The following RERE variants were observed in gnomAD, a reference collection of about 807,000 sequenced individuals.
RERE encodes the protein arginine-glutamic acid dipeptide repeats.
In RERE, 40 loss-of-function variants were observed where a neutral mutation model predicts 146.1. The ratio of observed to expected loss-of-function variants is 0.27; its 90% confidence interval spans 0.21 to 0.36. The LOEUF (loss-of-function observed/expected upper bound fraction) is 0.36. Among genes scored for constraint, RERE ranks in the 10% least tolerant of loss-of-function variants. The probability of loss-of-function intolerance (pLI) is 1.00; values close to 1 mark genes in which losing one functional copy is unlikely to be tolerated. For synonymous variants in RERE, 1,003 were observed against 866.0 expected (o/e 1.16, Z -2.78); for missense variants, 1,933 against 2,138.7 (o/e 0.90, Z 1.90).
At position 8,670,832 on chromosome 1, in the gene RERE, T is replaced by C. The variant is rs181748004; in HGVS notation, c.-144-14391A>G. Among the ~76,000 whole-genome samples the C allele has an allele frequency of 4.9e-3, 739 of 152,286 alleles. 2 individuals are homozygous for C. The highest frequency in any genetic ancestry group is 8.8e-3 in the Non-Finnish European group (597 of 68,012). Reference sequence around the variant, plus strand: ...GGAAAAGCCATGGTGGAGTTTTGCATAGAGAAGTAACAATCCGAGGTACAT... The same window carrying C: ...GGAAAAGCCATGGTGGAGTTTTGCACAGAGAAGTAACAATCCGAGGTACAT... On this transcript the variant is annotated intron_variant, in intron 1 of 22. Transcript: ENST00000400908.
At chr1:8,534,621 A>G (rs913126062) in intron 7 of RERE, among the ~76,000 whole-genome samples, 2 of 152,182 alleles carry the variant, frequency 1.3e-5, no homozygotes, top group African/African-American at 4.8e-5. Flanking sequence ...AAAATGAATA[A>G]CAACAGCAGC....
At chr1:8,729,681 T>TC (rs1307979275) in intron 1 of RERE, among the ~76,000 whole-genome samples, 3 of 152,168 alleles carry the variant, frequency 2.0e-5, no homozygotes, top group Non-Finnish European at 4.4e-5. Context: ...TCTCCAGCCT[T>TC]CTCCAGATCA....
chr1:8,394,148 CTTTCAA>C (rs1284682378), intron 12 of RERE, among the ~76,000 whole-genome samples: 1 of 152,212 alleles, frequency 6.6e-6, no homozygotes, highest in African/African-American at 2.4e-5. Context: ...ATAATCCCAA[CTTTCAA>C]TTTCTAATGC....
At chr1:8,738,155 T>C (rs1640236995) in intron 1 of RERE, among the ~76,000 whole-genome samples, 1 of 152,150 alleles carries the variant, frequency 6.6e-6, no homozygotes, top group Admixed American at 6.5e-5. Context: ...CTGCCCTCTC[T>C]TCACGGGGCA....
chr1:8,363,156 T>C (rs1198415598), intron 15 of RERE, among the ~76,000 whole-genome samples: 3 of 152,244 alleles, frequency 2.0e-5, no homozygotes, highest in Non-Finnish European at 2.9e-5. Context: ...CGGCAGAAAG[T>C]CGCCTGGGGC....
intron 4 of RERE, among the ~76,000 whole-genome samples, chr1:8,595,277 GA>G (rs898113723): frequency 1.2e-4 from 17 of 141,772 alleles, no homozygotes; most frequent in East Asian, 8.1e-4. Flanking sequence ...TATTTCATCT[GA>G]AAAAAAAAAT....
At position 8,465,966 on chromosome 1, in the gene RERE, C is replaced by T; in HGVS notation, c.1162G>A (p.Val388Met). 1 of 1,614,150 alleles carries T rather than the reference C, an allele frequency of 6.2e-7. No homozygotes were observed. Reference protein sequence around the residue: ...KALQRLVKKPVPKLIEKCWTE... With the variant: ...KALQRLVKKPMPKLIEKCWTE... ...CAGCACTTCTCGATGAGCTTGGGCA[C>T]AGGCTTCTTCACCAGGCGCTGCAGG... is the stretch of plus-strand genomic sequence containing the variant. Residue 388 changes from valine to methionine, a missense_variant, in exon 11 of 23, where the codon GTG becomes ATG. Around this residue, in one of 11 missense-constraint regions of RERE, gnomAD observed 260 missense variants for 378.4 expected, o/e 0.69. Transcript: ENST00000400908.
chr1:8,551,419 T>TG (rs2124413429), intron 6 of RERE, among the ~76,000 whole-genome samples: 2 of 152,298 alleles, frequency 1.3e-5, no homozygotes, highest in East Asian at 3.9e-4. Flanking sequence ...TGCTCGTTCT[T>TG]GGAGTGTGTT....
chr1:8,445,764 T>C (rs1244047562), intron 11 of RERE, among the ~76,000 whole-genome samples: 1 of 152,066 alleles, frequency 6.6e-6, no homozygotes, highest in Non-Finnish European at 1.5e-5. Context: ...GGTGGTTTGC[T>C]GCACCCATCA....
intron 1 of RERE, among the ~76,000 whole-genome samples, chr1:8,783,605 GAC>G (rs1641206209): frequency 6.6e-6 from 1 of 152,172 alleles, no homozygotes; most frequent in Admixed American, 6.5e-5. Context: ...AGGAGTTTGA[GAC>G]CAGCATGGGC....
Position 8,656,260 on chromosome 1 carries a change from T to G in RERE, c.38A>C (p.Lys13Thr). The G allele has an allele frequency of 1.2e-6, 2 of 1,601,210 alleles. No homozygotes were observed. The highest frequency in any genetic ancestry group is 1.7e-6 in the Non-Finnish European group (2 of 1,168,984). Reference sequence around the variant, plus strand: ...TCGGTCCCGGTCTCGGTCCCGGTCCTTCTCTTTGTCTTTGTCTTTGTCTTT... The same window carrying G: ...TCGGTCCCGGTCTCGGTCCCGGTCCGTCTCTTTGTCTTTGTCTTTGTCTTT... ...ADKDKDKDKE[K>T]DRDRDRDRER... Residue 13 changes from lysine to threonine, a missense_variant, in exon 2 of 23, where the codon AAG becomes ACG. Lys to Thr is a moderately conservative substitution (Grantham distance 78). Coordinates refer to ENST00000400908, the MANE Select transcript of RERE (RefSeq NM_001042681.2).
intron 11 of RERE, among the ~76,000 whole-genome samples, chr1:8,451,259 C>T (rs1173398730): frequency 2.6e-5 from 4 of 152,178 alleles, no homozygotes; most frequent in Admixed American, 2.0e-4. Context: ...GGCGAAACCC[C>T]GTCTCTACTA....
intron 12 of RERE, chr1:8,380,646 C>G (rs1209596312): frequency 1.7e-5 from 6 of 361,054 alleles, no homozygotes; most frequent in Non-Finnish European, 3.3e-5. Context: ...CAAGCCTGGC[C>G]CATCAAGAGC....
Position 8,624,339 on chromosome 1 carries a change from A to C in RERE, c.367T>G (p.Phe123Val). The C allele has an allele frequency of 6.2e-7, 1 of 1,611,640 alleles. No homozygotes were observed. Among genetic ancestry groups the C allele is most frequent in the Non-Finnish European group, 8.5e-7 (1 of 1,179,536 alleles). The change falls in exon 3 of 23, where the codon TTC becomes GTC. Residue 123 changes from phenylalanine (F) to valine (V), a missense_variant. By Grantham distance (50) the Phe-to-Val change is conservative. Around this residue, in one of 11 missense-constraint regions of RERE, gnomAD observed 74 missense variants for 99.6 expected, o/e 0.74. Transcript: ENST00000400908. ...TTGAAGTCTTGAATGCTACAGATGA[A>C]ATACGGTGTGTTTGGCCTCCGACTC... The part of the protein sequence containing the change: ...IESRRPNTPY[F>V]ICSIQDFKLV...
At chr1:8,470,063 A>G (rs1457104420) in intron 10 of RERE, among the ~76,000 whole-genome samples, 1 of 152,146 alleles carries the variant, frequency 6.6e-6, no homozygotes, top group Non-Finnish European at 1.5e-5. Context: ...TGTTCTCTAT[A>G]TAATGGCGGA....
At chr1:8,713,479 A>G (rs1639706411) in intron 1 of RERE, among the ~76,000 whole-genome samples, 1 of 152,148 alleles carries the variant, frequency 6.6e-6, no homozygotes, top group African/African-American at 2.4e-5. Flanking sequence ...CACATCTATA[A>G]TCCTAGCACT....
chr1:8,752,298 A>G (rs532574653), intron 1 of RERE, among the ~76,000 whole-genome samples: 2 of 152,254 alleles, frequency 1.3e-5, no homozygotes, highest in South Asian at 2.1e-4. Flanking sequence ...TAAAAGAAAC[A>G]CTTCCTTTGC....
At chr1:8,469,231 T>C (rs914372730) in intron 10 of RERE, among the ~76,000 whole-genome samples, 2 of 152,210 alleles carry the variant, frequency 1.3e-5, no homozygotes, top group African/African-American at 2.4e-5. Flanking sequence ...TTTGTTAAGC[T>C]ATAAACAAAA....
intron 1 of RERE, among the ~76,000 whole-genome samples, chr1:8,779,247 T>C (rs1641122508): frequency 2.0e-5 from 3 of 151,184 alleles, no homozygotes; most frequent in African/African-American, 7.3e-5. Context: ...ATAAGTTCCA[T>C]CCGGGCGCAG....
Sources: gnomAD v4.1 joint callset for allele counts (sites outside exome capture counted in the v4.1 genomes callset) on GRCh38, gnomAD v4.1.1 for gene constraint, gnomAD v4.1.1 regional missense constraint, MANE v1.5 for transcripts, NCBI Gene and HGNC (gene_info 2026-07-23, HGNC 2026-07-21) for gene names.